ZNF510: variants seen among roughly 807,000 people sequenced by gnomAD.
The protein encoded by ZNF510 is zinc finger protein 510.
In ZNF510, 15 loss-of-function variants were observed where a neutral mutation model predicts 18.1. That is an observed-to-expected ratio of 0.83 (90% confidence interval 0.55 to 1.28). The LOEUF (loss-of-function observed/expected upper bound fraction) is 1.28, where lower values mean the gene tolerates loss of function less well. ZNF510 is among the 50% of genes most tolerant of loss of function. The pLI, the probability that ZNF510 is intolerant of heterozygous loss-of-function variation, is 0.00. For synonymous variants in ZNF510, 261 were observed against 266.4 expected (o/e 0.98, Z 0.20); for missense variants, 724 against 791.8 (o/e 0.91, Z 1.03).
rs1255124653 is a variant in ZNF510 at position 96,756,911 on chromosome 9, A to G, written c.*1867T>C. 6.6e-6 allele frequency: 1 copy of G among 152,210 alleles called. No individual in the cohort carries two copies. The highest frequency in any genetic ancestry group is 1.5e-5 in the Non-Finnish European group (1 of 68,032). 9.4% of individuals were successfully genotyped at this position (152,210 alleles called of 1,614,324 possible). A position where few individuals can be genotyped will look rare whatever the true frequency, so the allele number is the denominator to read the frequency against. On this transcript the variant is annotated 3_prime_UTR_variant, in exon 6 of 6. Transcript: ENST00000223428. ...AATTATTCCTGATTAGAATTCTATG[A>G]CTTATGCGAATTACAGGGAATTAGA...
chr9:96,759,253 C>T lies in ZNF510; in HGVS notation c.1577G>A (p.Gly526Asp). The T allele has an allele frequency of 1.9e-6, 3 of 1,613,826 alleles. No individual in the cohort carries two copies. The highest frequency in any genetic ancestry group is 2.2e-5 in the East Asian group (1 of 44,866). Residue 526 changes from glycine to aspartate, a missense_variant, in exon 6 of 6, where the codon GGC (glycine) becomes GAC (aspartate). Coordinates refer to ENST00000223428, the MANE Select transcript of ZNF510 (RefSeq NM_014930.3). Reference sequence around the variant, plus strand: ...ATGTATTCTGAGGTTTGACTTCTGGCCAAATGTTTTTCCACATTGATTGCA... The same window carrying T: ...ATGTATTCTGAGGTTTGACTTCTGGTCAAATGTTTTTCCACATTGATTGCA... ...FQCNQCGKTFGQKSNLRIHQR... is the reference protein window; with the variant it reads ...FQCNQCGKTFDQKSNLRIHQR...
In ZNF510 at chr9:96,758,722, ATCT is replaced by A; in HGVS notation, c.*53_*55del. ...ACTACCCTCAATTGGTTTTTTGTGT[ATCT>A]CTGATATCAAATGGGGTATTCCTTT... On this transcript the variant is annotated 3_prime_UTR_variant, in exon 6 of 6. Coordinates refer to ENST00000223428, the MANE Select transcript of ZNF510 (RefSeq NM_014930.3). 1 of 1,499,440 alleles carries A rather than the reference ATCT, an allele frequency of 6.7e-7. No homozygotes were observed. The highest frequency in any genetic ancestry group is 8.9e-7 in the Non-Finnish European group (1 of 1,123,552). The allele number at this position is 1,499,440 out of a possible 1,614,324, so 92.9% of individuals were successfully genotyped here.
intron 3 of ZNF510, among the ~76,000 whole-genome samples, chr9:96,764,606 G>GA (rs1249892482): frequency 1.3e-5 from 2 of 151,764 alleles, no homozygotes; most frequent in Non-Finnish European, 1.5e-5. Context: ...TGCCTTTATA[G>GA]AAAAAAATGT....
chr9:96,773,315 T>C (rs1294757457), intron 3 of ZNF510, among the ~76,000 whole-genome samples: 23 of 152,160 alleles, frequency 1.5e-4, no homozygotes, highest in Admixed American at 1.5e-3. Flanking sequence ...AGAACTAAGT[T>C]TTTAAAAGGA....
chr9:96,774,887 C>T lies in ZNF510; in HGVS notation c.71-41G>A, dbSNP rs1359665361. On this transcript the variant is annotated intron_variant, in intron 2 of 5. Transcript: ENST00000223428. Reference sequence around the variant, plus strand: ...GAGTCATGAGAGATCTGGGCAGCCTCCATCTTACCTGCCTACCAATGTCAT... The same window carrying T: ...GAGTCATGAGAGATCTGGGCAGCCTTCATCTTACCTGCCTACCAATGTCAT... The T allele has an allele frequency of 1.9e-6, 3 of 1,562,478 alleles. No individual in the cohort carries two copies. The East Asian group carries it at 6.7e-5, about 35-fold the overall frequency.
At chr9:96,764,224 C>T (rs1849418982) in intron 3 of ZNF510, among the ~76,000 whole-genome samples, 1 of 151,986 alleles carries the variant, frequency 6.6e-6, no homozygotes, top group Non-Finnish European at 1.5e-5. Context: ...AAACTTCCTA[C>T]AATTTGTATT....
chr9:96,758,080 A>C lies in ZNF510; in HGVS notation c.*698T>G, dbSNP rs1849238203. 2 of 152,224 alleles carry C rather than the reference A, an allele frequency of 1.3e-5. No individual in the cohort carries two copies. The allele number at this position is 152,224 out of a possible 1,614,324, so 9.4% of individuals were successfully genotyped here. A position where few individuals can be genotyped will look rare whatever the true frequency, so the allele number is the denominator to read the frequency against. Reference sequence around the variant, plus strand: ...ATTTAATAACTTTAAAGTACAGTTGACCATGGTTAATGGAAATTGCGTAAA... The same window carrying C: ...ATTTAATAACTTTAAAGTACAGTTGCCCATGGTTAATGGAAATTGCGTAAA... On this transcript the variant is annotated 3_prime_UTR_variant, in exon 6 of 6. Coordinates refer to ENST00000223428, the MANE Select transcript of ZNF510 (RefSeq NM_014930.3).
At chr9:96,764,149 C>T (rs1169456716) in intron 3 of ZNF510, among the ~76,000 whole-genome samples, 1 of 152,000 alleles carries the variant, frequency 6.6e-6, no homozygotes, top group African/African-American at 2.4e-5. Flanking sequence ...TATACATATA[C>T]TATAAATAGA....
In ZNF510 at chr9:96,759,414, C is replaced by T; in HGVS notation, c.1416G>A (p.Lys472=). Reference sequence around the variant, plus strand: ...TTCTTTGATGTCCCCTGAGGGTTGACTTCTGGACAAATGTTTTTCCACATT... The same window carrying T: ...TTCTTTGATGTCCCCTGAGGGTTGATTTCTGGACAAATGTTTTTCCACATT... The part of the protein sequence containing the change: ...CNECGKTFVQ[K]STLRGHQRIH... Residue 472 remains lysine (K), a synonymous_variant, in exon 6 of 6, where the codon AAG becomes AAA. Transcript: ENST00000223428. The T allele has an allele frequency of 6.2e-7, 1 of 1,614,060 alleles. No individual in the cohort carries two copies. The highest frequency in any genetic ancestry group is 8.5e-7 in the Non-Finnish European group (1 of 1,179,984).
rs540758912 is a variant in ZNF510 at position 96,756,816 on chromosome 9, C to G, written c.*1962G>C. 1.3e-5 allele frequency: 2 copies of G among 152,358 alleles called. No individual in the cohort carries two copies. The highest frequency in any genetic ancestry group is 1.5e-5 in the Non-Finnish European group (1 of 68,056). The allele number at this position is 152,358 out of a possible 1,614,324, so 9.4% of individuals were successfully genotyped here. On this transcript the variant is annotated 3_prime_UTR_variant, in exon 6 of 6. Coordinates refer to ENST00000223428, the MANE Select transcript of ZNF510 (RefSeq NM_014930.3). ...CCAGAAGTTTCAACCCACAAAATCA[C>G]CAGTCACAGAGAGAGACTTGAAGCC...
chr9:96,768,151 T>G (rs1849513708), intron 3 of ZNF510, among the ~76,000 whole-genome samples: 1 of 152,120 alleles, frequency 6.6e-6, no homozygotes, highest in Admixed American at 6.5e-5. Context: ...AAAAAGCATT[T>G]GACAAAAATA....
intron 3 of ZNF510, among the ~76,000 whole-genome samples, chr9:96,768,257 G>T (rs7045866): frequency 0.057 from 8,721 of 151,720 alleles, 639 homozygotes; most frequent in African/African-American, 0.17. Context: ...ACAGCTAACA[G>T]AATACGCTAG....
intron 3 of ZNF510, 60 bp downstream of exon 3, chr9:96,774,728 A>T: frequency 7.1e-7 from 1 of 1,409,748 alleles, no homozygotes; most frequent in Non-Finnish European, 1.0e-6. Flanking sequence ...CCATATTAAT[A>T]TGTGGACCCT....
chr9:96,764,190 T>C (rs1362526292), intron 3 of ZNF510, among the ~76,000 whole-genome samples: 2 of 149,646 alleles, frequency 1.3e-5, no homozygotes, highest in Non-Finnish European at 2.9e-5. Context: ...TTTATTCTTA[T>C]TTTTGTAGCC....
At chr9:96,760,563 A>C (rs1252080852) in intron 5 of ZNF510, 86 bp from the exon 6 acceptor site, 1 of 1,201,924 alleles carries the variant, frequency 8.3e-7, no homozygotes, top group East Asian at 2.4e-5. Flanking sequence ...TGTTGCACCT[A>C]ATTATTTGAT....
chr9:96,776,491 C>T (rs1325579844), intron 1 of ZNF510, among the ~76,000 whole-genome samples: 2 of 152,120 alleles, frequency 1.3e-5, no homozygotes, highest in Non-Finnish European at 2.9e-5. Context: ...GAAACGTCTC[C>T]AGGCCGGGCG....
At chr9:96,774,033 T>C (rs1190287819) in intron 3 of ZNF510, among the ~76,000 whole-genome samples, 1 of 152,386 alleles carries the variant, frequency 6.6e-6, no homozygotes, top group South Asian at 2.1e-4. Context: ...ACTAAGGCTC[T>C]AACCTTTATC....
Position 96,760,497 on chromosome 9 carries a change from A to G in ZNF510, c.353-20T>C. 1 of 1,566,626 alleles carries G rather than the reference A, an allele frequency of 6.4e-7. No homozygotes were observed. The highest frequency in any genetic ancestry group is 1.2e-5 in the South Asian group (1 of 83,252). ...AATCTTCTAAAACAGAAATATTGAA[A>G]ACATCTTATGACTCTTACATCTTCT... On this transcript the variant is annotated intron_variant, in intron 5 of 5. Coordinates refer to ENST00000223428, the MANE Select transcript of ZNF510 (RefSeq NM_014930.3).
At chr9:96,770,364 C>T (rs904264028) in intron 3 of ZNF510, among the ~76,000 whole-genome samples, 14 of 150,520 alleles carry the variant, frequency 9.3e-5, no homozygotes, top group South Asian at 2.1e-4. Flanking sequence ...CTGAGGTGGG[C>T]GGATCATCTG....
Sources: gnomAD v4.1 joint callset for allele counts (sites outside exome capture counted in the v4.1 genomes callset) on GRCh38, gnomAD v4.1.1 for gene constraint, MANE v1.5 for transcripts, NCBI Gene and HGNC (gene_info 2026-07-23, HGNC 2026-07-21) for gene names.